MCM6: variants seen among roughly 807,000 people sequenced by gnomAD.
MCM6 encodes minichromosome maintenance complex component 6, also known as DNA replication licensing factor MCM6.
A neutral mutation model predicts 94.3 loss-of-function variants in MCM6; 46 were observed. That is an observed-to-expected ratio of 0.49 (90% CI 0.39 to 0.62). MCM6 has a LOEUF of 0.62. Ranked by LOEUF, MCM6 falls within the 20% of genes least tolerant of loss-of-function variation. MCM6 has a pLI of 0.00. For missense variants in MCM6, 865 were observed against 1,017.9 expected (o/e 0.85, Z 2.04); for synonymous variants, 335 against 351.9 (o/e 0.95, Z 0.54).
chr2:135,845,633 TG>T (rs1679656877), intron 15 of MCM6, among the ~76,000 whole-genome samples: 1 of 152,252 alleles, frequency 6.6e-6, no homozygotes, highest in African/African-American at 2.4e-5. Context: ...AATTATCTGA[TG>T]CTTAACTATC....
chr2:135,866,035 G>A (rs1480918568), intron 6 of MCM6, 97 bp downstream of exon 6: 1 of 1,341,360 alleles, frequency 7.5e-7, no homozygotes, highest in East Asian at 2.4e-5. Flanking sequence ...CCAGAAAGTG[G>A]AGGCTACAGT....
intron 11 of MCM6, among the ~76,000 whole-genome samples, chr2:135,854,529 CAAAAAAAAAAA>C (rs1181597035): frequency 4.0e-5 from 2 of 49,974 alleles, no homozygotes; most frequent in South Asian, 1.1e-3. Context: ...GACTCCATCT[CAAAAAAAAAAA>C]AAAAAAAAAA....
chr2:135,864,987 A>G lies in MCM6; in HGVS notation c.1078+26T>C, dbSNP rs754954063. ...TAATCATTATTTTGATTTCAAGTTT[A>G]TGGTACAAATGGATGGAATTCTTAC... is the stretch of plus-strand genomic sequence containing the variant. On this transcript the variant is annotated intron_variant, in intron 7 of 16. Coordinates refer to ENST00000264156, the MANE Select transcript of MCM6 (RefSeq NM_005915.6). The G allele has an allele frequency of 2.2e-6, 3 of 1,351,424 alleles. No individual in the cohort carries two copies. The Admixed American group carries it at 8.5e-5, about 38-fold the overall frequency. The allele number at this position is 1,351,424 out of a possible 1,614,324, so 83.7% of individuals were successfully genotyped here. A position where few individuals can be genotyped will look rare whatever the true frequency, so the allele number is the denominator to read the frequency against.
intron 4 of MCM6, among the ~76,000 whole-genome samples, chr2:135,868,110 T>G (rs918549573): frequency 6.6e-6 from 1 of 152,134 alleles, no homozygotes; most frequent in Non-Finnish European, 1.5e-5. Context: ...CTTATTAAGA[T>G]AGGCTCAAAC....
intron 9 of MCM6, among the ~76,000 whole-genome samples, chr2:135,859,100 G>C (rs1679941774): frequency 6.6e-6 from 1 of 152,022 alleles, no homozygotes; most frequent in Non-Finnish European, 1.5e-5. Context: ...CGCCATGTTG[G>C]CCAGGCTGGT....
At chr2:135,862,805 C>CT (rs1225629642) in intron 7 of MCM6, 57 bp from the exon 8 acceptor site, 1 of 1,582,648 alleles carries the variant, frequency 6.3e-7, no homozygotes, top group Admixed American at 1.7e-5. Flanking sequence ...AAGTTAAACA[C>CT]TTTCAGAAGA....
intron 10 of MCM6, 99 bp downstream of exon 10, chr2:135,857,798 C>T (rs947945343): frequency 1.1e-6 from 1 of 904,136 alleles, no homozygotes; most frequent in East Asian, 2.4e-5. Context: ...CAGCATTACA[C>T]ACTGAAGTAA....
At chr2:135,876,166 G>T in intron 1 of MCM6, 93 bp downstream of exon 1, 1 of 998,604 alleles carries the variant, frequency 1.0e-6, no homozygotes, top group South Asian at 2.1e-5. Flanking sequence ...GCGACCCCCA[G>T]GTTCCGGAAC....
intron 14 of MCM6, among the ~76,000 whole-genome samples, 153 bp downstream of exon 14, chr2:135,847,900 T>G (rs979017867): frequency 3.3e-5 from 5 of 152,222 alleles, no homozygotes; most frequent in Non-Finnish European, 7.3e-5. Context: ...AATTTCATTT[T>G]AACTTGTAAA....
intron 1 of MCM6, 147 bp downstream of exon 1, chr2:135,876,112 G>C: frequency 1.7e-6 from 1 of 579,412 alleles, no homozygotes; most frequent in East Asian, 3.5e-5. Context: ...GCCGGGCTCG[G>C]AGCCTAAAGT....
chr2:135,872,659 AC>A, intron 2 of MCM6, 37 bp downstream of exon 2: 2 of 1,602,332 alleles, frequency 1.2e-6, no homozygotes, highest in Non-Finnish European at 1.7e-6. Context: ...CCGGATTTCA[AC>A]CCCTATTCAA....
chr2:135,863,122 T>C (rs1269206586), intron 7 of MCM6, among the ~76,000 whole-genome samples: 2 of 152,234 alleles, frequency 1.3e-5, no homozygotes, highest in Non-Finnish European at 1.5e-5. Flanking sequence ...TAGTCCTTTT[T>C]AATGCCAGTT....
chr2:135,862,267 C>T (rs901841502), intron 8 of MCM6, among the ~76,000 whole-genome samples: 2 of 23,658 alleles, frequency 8.5e-5, no homozygotes, highest in African/African-American at 3.3e-4. Flanking sequence ...TATTTTTATA[C>T]AAATAATAAA....
At chr2:135,865,208 CA>C in intron 6 of MCM6, 45 bp from the exon 7 acceptor site, 2 of 1,262,492 alleles carry the variant, frequency 1.6e-6, no homozygotes, top group Non-Finnish European at 1.0e-6. Context: ...TAGAAGCAGT[CA>C]AAAGAGCATA....
chr2:135,875,991 G>T (rs1251742697), intron 1 of MCM6, among the ~76,000 whole-genome samples: 2 of 152,240 alleles, frequency 1.3e-5, no homozygotes, highest in Non-Finnish European at 2.9e-5. Flanking sequence ...TCGCGGGGTG[G>T]TGAGCATCAA....
Position 135,841,199 on chromosome 2 carries a change from T to C in MCM6, c.2350-248A>G, listed in dbSNP as rs144681299. ...TGGAAAATTAAGAAATACTTAAATA[T>C]ATTACATCAAATGCTTGTAAATACA... On this transcript the variant is annotated intron_variant, in intron 16 of 16. Transcript: ENST00000264156. Among the ~76,000 whole-genome samples the C allele has an allele frequency of 1.9e-3, 292 of 152,334 alleles. 2 individuals are homozygous for C. The highest frequency in any genetic ancestry group is 6.8e-3 in the African/African-American group (283 of 41,578).
chr2:135,852,816 G>T lies in MCM6; in HGVS notation c.1726C>A (p.Leu576Ile). 1 of 1,605,068 alleles carries T rather than the reference G, an allele frequency of 6.2e-7. No individual in the cohort carries two copies. Among genetic ancestry groups the T allele is most frequent in the Middle Eastern group, 1.7e-4 (1 of 6,028 alleles). Residue 576 changes from leucine to isoleucine, a missense_variant, in exon 12 of 17, where the codon CTT becomes ATT. By Grantham distance (5) the Leu-to-Ile change is conservative. Around this residue, in one of 3 missense-constraint regions of MCM6, gnomAD observed 308 missense variants for 324.5 expected, o/e 0.95. Coordinates refer to ENST00000264156, the MANE Select transcript of MCM6 (RefSeq NM_005915.6). ...GGTTTAAACTGTCTTGCAAAGAGAA[G>T]ATATCTTCTGATATCATCGAGGGAA... ...VYSLDDIRRY[L>I]LFARQFKPKI...
intron 16 of MCM6, among the ~76,000 whole-genome samples, chr2:135,843,563 T>C (rs1679615921): frequency 6.7e-6 from 1 of 149,902 alleles, no homozygotes; most frequent in African/African-American, 2.5e-5. Flanking sequence ...CAAAACCCCA[T>C]CTCTACTAAA....
At chr2:135,844,802 G>C (rs190949347) in intron 15 of MCM6, 118 bp from the exon 16 acceptor site, 324 of 1,062,510 alleles carry the variant, frequency 3.0e-4, no homozygotes, top group Non-Finnish European at 3.7e-4. Flanking sequence ...CAAGCCGTCC[G>C]AAAGTACATC....
Sources: allele counts gnomAD v4.1 joint callset (sites outside exome capture counted in the v4.1 genomes callset), GRCh38; gene constraint gnomAD v4.1.1; regional missense constraint gnomAD v4.1.1; transcripts MANE v1.5; gene names NCBI Gene and HGNC (gene_info 2026-07-23, HGNC 2026-07-21).